Variants in MLLT3 observed in about 807,000 individuals in gnomAD.
MLLT3 encodes MLLT3 super elongation complex subunit, also known as protein AF-9.
In MLLT3, 4 loss-of-function variants were observed where a neutral mutation model predicts 53.2. That is an observed-to-expected ratio of 0.08 (90% CI 0.04 to 0.17). The LOEUF (loss-of-function observed/expected upper bound fraction) is 0.17. Among genes scored for constraint, MLLT3 ranks in the 10% least tolerant of loss-of-function variants. The pLI is 1.00. For missense variants in MLLT3, 569 were observed against 684.0 expected (o/e 0.83, Z 1.87); for synonymous variants, 283 against 230.6 (o/e 1.23, Z -2.06).
At chr9:20,481,566 G>T (rs1355802335) in intron 2 of MLLT3, among the ~76,000 whole-genome samples, 2 of 152,120 alleles carry the variant, frequency 1.3e-5, no homozygotes, top group Non-Finnish European at 2.9e-5. Flanking sequence ...GATACAAAGA[G>T]ACAACTGTGA....
chr9:20,435,695 T>C (rs1823383990), intron 4 of MLLT3, among the ~76,000 whole-genome samples: 1 of 152,100 alleles, frequency 6.6e-6, no homozygotes. Context: ...ACGGGAAGAC[T>C]TAGGAAGGTC....
At chr9:20,470,934 G>A (rs901873891) in intron 2 of MLLT3, among the ~76,000 whole-genome samples, 6 of 151,936 alleles carry the variant, frequency 3.9e-5, no homozygotes, top group African/African-American at 1.2e-4. Flanking sequence ...GACATTTAAA[G>A]ACAGCCAATT....
At chr9:20,515,758 A>C (rs1188329640) in intron 2 of MLLT3, among the ~76,000 whole-genome samples, 2 of 152,152 alleles carry the variant, frequency 1.3e-5, no homozygotes, top group East Asian at 3.9e-4. Context: ...GGTTGCCATC[A>C]GCCGGAGTCA....
chr9:20,381,646 A>C (rs1019686301), intron 5 of MLLT3, among the ~76,000 whole-genome samples: 2 of 151,966 alleles, frequency 1.3e-5, no homozygotes, highest in African/African-American at 2.4e-5. Flanking sequence ...TAATTTAATA[A>C]AACAACATTT....
At chr9:20,365,573 C>T in intron 6 of MLLT3, 96 bp downstream of exon 6, 2 of 1,361,802 alleles carry the variant, frequency 1.5e-6, no homozygotes, top group East Asian at 2.3e-5. Context: ...TGGTCTTGAT[C>T]TCCTGACCTC....
chr9:20,576,664 A>G (rs552096336), intron 2 of MLLT3, among the ~76,000 whole-genome samples: 80 of 152,308 alleles, frequency 5.3e-4, no homozygotes, highest in African/African-American at 1.9e-3. Context: ...CAAAACAATT[A>G]CAATAGTAAC....
chr9:20,416,870 T>C (rs2118783983), intron 4 of MLLT3, among the ~76,000 whole-genome samples: 1 of 152,284 alleles, frequency 6.6e-6, no homozygotes, highest in African/African-American at 2.4e-5. Context: ...GCATTTTCTT[T>C]GTCCTGGGCC....
At chr9:20,455,707 G>C (rs1356253755) in intron 3 of MLLT3, among the ~76,000 whole-genome samples, 2 of 152,064 alleles carry the variant, frequency 1.3e-5, no homozygotes, top group African/African-American at 4.8e-5. Context: ...GAAAAATAAG[G>C]AATATGATAT....
At chr9:20,609,084 T>C (rs1284592077) in intron 2 of MLLT3, among the ~76,000 whole-genome samples, 1 of 152,078 alleles carries the variant, frequency 6.6e-6, no homozygotes, top group Non-Finnish European at 1.5e-5. Context: ...GTTTAGCCTT[T>C]ACAATGTAAG....
chr9:20,613,613 G>T (rs1024820345), intron 2 of MLLT3, among the ~76,000 whole-genome samples: 1 of 150,814 alleles, frequency 6.6e-6, no homozygotes, highest in African/African-American at 2.4e-5. Context: ...TAAAAAAGCA[G>T]CCATGGACTA....
intron 10 of MLLT3, among the ~76,000 whole-genome samples, chr9:20,350,821 C>T (rs1476700410): frequency 6.6e-6 from 1 of 152,108 alleles, no homozygotes; most frequent in African/African-American, 2.4e-5. Flanking sequence ...TGGCTCCCTT[C>T]CCCAATTTTT....
intron 2 of MLLT3, among the ~76,000 whole-genome samples, chr9:20,565,086 T>C (rs1819314353): frequency 2.0e-5 from 3 of 152,076 alleles, no homozygotes; most frequent in Admixed American, 1.3e-4. Context: ...ATTAACTGCT[T>C]TATTCCACAT....
In MLLT3 at chr9:20,346,272, G is replaced by C. The variant is rs1214829833; in HGVS notation, c.*171C>G. The C allele has an allele frequency of 1.5e-6, 1 of 681,286 alleles. No individual in the cohort carries two copies. Among genetic ancestry groups the C allele is most frequent in the Non-Finnish European group, 2.3e-6 (1 of 440,748 alleles). The allele number at this position is 681,286 out of a possible 1,614,324, so 42.2% of individuals were successfully genotyped here. On this transcript the variant is annotated 3_prime_UTR_variant, in exon 11 of 11. Transcript: ENST00000380338. The stretch of plus-strand genomic sequence containing the variant: ...CTCCTTTATCAAGAGATGATGACTG[G>C]CTTTAAAGAAAAATAAAGCTGAAGG...
chr9:20,477,017 G>A (rs1015571542), intron 2 of MLLT3, among the ~76,000 whole-genome samples: 9 of 152,074 alleles, frequency 5.9e-5, no homozygotes, highest in Non-Finnish European at 1.3e-4. Context: ...TAGTTTGACA[G>A]ACAGTTTCAC....
intron 2 of MLLT3, among the ~76,000 whole-genome samples, chr9:20,498,922 A>T (rs1825150212): frequency 6.6e-6 from 1 of 152,244 alleles, no homozygotes; most frequent in South Asian, 2.1e-4. Flanking sequence ...TTGTAACAAA[A>T]TACCACAAAT....
At chr9:20,605,144 G>A (rs1820528949) in intron 2 of MLLT3, among the ~76,000 whole-genome samples, 1 of 151,978 alleles carries the variant, frequency 6.6e-6, no homozygotes, top group South Asian at 2.1e-4. Flanking sequence ...CCATTTTATA[G>A]AAGACCTAAA....
At position 20,342,882 on chromosome 9, in the gene MLLT3, A is replaced by G. The variant is rs978716006; in HGVS notation, c.*3561T>C. 11 of 180,990 alleles carry G rather than the reference A, an allele frequency of 6.1e-5. No homozygotes were observed. Among genetic ancestry groups the G allele is most frequent in the Admixed American group, 1.9e-4 (3 of 15,716 alleles). 11.2% of individuals were successfully genotyped at this position (180,990 alleles called of 1,614,324 possible). ...TATAAATATAGGAGCAGTACATAGC[A>G]TTAGTACACAAAACGCTAAAGGTGG... is the stretch of plus-strand genomic sequence containing the variant. On this transcript the variant is annotated 3_prime_UTR_variant, in exon 11 of 11. Coordinates refer to ENST00000380338, the MANE Select transcript of MLLT3 (RefSeq NM_004529.4).
At chr9:20,502,336 T>A (rs577724918) in intron 2 of MLLT3, 120 of 153,924 alleles carry the variant, frequency 7.8e-4, no homozygotes, top group Non-Finnish European at 1.3e-3. Flanking sequence ...ACTAACAAGG[T>A]AGGCAAATGC....
At chr9:20,456,964 A>G (rs1424360221) in intron 2 of MLLT3, among the ~76,000 whole-genome samples, 178 bp from the exon 3 acceptor site, 2 of 152,190 alleles carry the variant, frequency 1.3e-5, no homozygotes, top group Admixed American at 6.5e-5. Flanking sequence ...AACTATAACA[A>G]TAATTGCTCT....
Sources: gnomAD v4.1 joint callset for allele counts (sites outside exome capture counted in the v4.1 genomes callset) on GRCh38, gnomAD v4.1.1 for gene constraint, MANE v1.5 for transcripts, NCBI Gene and HGNC (gene_info 2026-07-23, HGNC 2026-07-21) for gene names.